CNTNAP2: variants seen among roughly 807,000 people sequenced by gnomAD.
CNTNAP2 encodes the protein contactin associated protein 2, also known as contactin-associated protein-like 2.
CNTNAP2 carries 98 observed loss-of-function variants against 155.2 expected under a neutral mutation model. The observed-to-expected ratio is 0.63, with a 90% CI of 0.54 to 0.75. CNTNAP2 has a LOEUF of 0.75. Among genes scored for constraint, CNTNAP2 ranks in the 30% least tolerant of loss-of-function variants. CNTNAP2 has a pLI of 0.00. For synonymous variants in CNTNAP2, 651 were observed against 631.2 expected, an observed-to-expected ratio of 1.03 and a Z score of -0.47; for missense variants, 1,727 against 1,688.1, an observed-to-expected ratio of 1.02 and a Z score of -0.40.
chr7:147,371,481 CAGA>C (rs1336881984), intron 9 of CNTNAP2, among the ~76,000 whole-genome samples: 3 of 152,162 alleles, frequency 2.0e-5, no homozygotes, highest in East Asian at 1.9e-4. Flanking sequence ...TTTGACTGCA[CAGA>C]AGGAGACCTT....
At chr7:146,376,466 CTT>C (rs770754742) in intron 1 of CNTNAP2, among the ~76,000 whole-genome samples, 9 of 152,078 alleles carry the variant, frequency 5.9e-5, no homozygotes, top group African/African-American at 9.7e-5. Context: ...TTAAAAAAAA[CTT>C]TACACCATAA....
chr7:146,790,925 CTT>C (rs776168917), intron 2 of CNTNAP2, among the ~76,000 whole-genome samples: 4 of 145,414 alleles, frequency 2.8e-5, no homozygotes, highest in African/African-American at 2.5e-5. Flanking sequence ...GTACCTCAGT[CTT>C]TTTTTTTTTT....
intron 9 of CNTNAP2, among the ~76,000 whole-genome samples, chr7:147,328,176 G>T (rs1434096213): frequency 1.3e-5 from 2 of 152,110 alleles, no homozygotes; most frequent in Admixed American, 6.6e-5. Flanking sequence ...TTCCCACAAA[G>T]AAAATGAGTT....
At chr7:147,785,107 G>A (rs761198948) in intron 13 of CNTNAP2, among the ~76,000 whole-genome samples, 3 of 152,222 alleles carry the variant, frequency 2.0e-5, no homozygotes, top group East Asian at 1.9e-4. Flanking sequence ...GCTTCCATCT[G>A]GAGCTCAAGA....
chr7:148,066,185 A>T (rs1395456841), intron 15 of CNTNAP2, among the ~76,000 whole-genome samples: 1 of 152,134 alleles, frequency 6.6e-6, no homozygotes, highest in Non-Finnish European at 1.5e-5. Flanking sequence ...TTTACAGGTT[A>T]CCTGATGTTT....
intron 8 of CNTNAP2, among the ~76,000 whole-genome samples, chr7:147,285,703 T>C (rs1805160457): frequency 6.6e-6 from 1 of 152,076 alleles, no homozygotes; most frequent in South Asian, 2.1e-4. Flanking sequence ...GGACAGGAAC[T>C]ATGTGCCTTT....
At chr7:146,196,881 G>C (rs920606694) in intron 1 of CNTNAP2, among the ~76,000 whole-genome samples, 9 of 152,084 alleles carry the variant, frequency 5.9e-5, no homozygotes, top group Non-Finnish European at 1.3e-4. Context: ...TAGTACTCTA[G>C]GAGGCTTCAT....
chr7:147,270,960 G>GC (rs913725030), intron 8 of CNTNAP2, among the ~76,000 whole-genome samples: 1 of 152,074 alleles, frequency 6.6e-6, no homozygotes, highest in African/African-American at 2.4e-5. Flanking sequence ...CCCCTAGGAA[G>GC]CCCCCACCAG....
At chr7:146,129,616 C>T (rs1260125) in intron 1 of CNTNAP2, among the ~76,000 whole-genome samples, 10,970 of 152,194 alleles carry the variant, frequency 0.072, 729 homozygotes, top group African/African-American at 0.18. Context: ...AAGTATCTTC[C>T]AGTTATTTTC....
rs180685735 is a variant in CNTNAP2 at position 147,896,126 on chromosome 7, C to A, written c.2099-7439C>A. Among the ~76,000 whole-genome samples, 273 of 152,324 alleles carry A rather than the reference C, an allele frequency of 1.8e-3. 1 individual carries two copies. Among genetic ancestry groups the A allele is most frequent in the Non-Finnish European group, 2.6e-3 (174 of 68,034 alleles). ...TGGGAGAAGAAGCTGGGAAACCAGGCTGCTCTTGCCAGGTCACTAACTTGC... is the reference window on the plus strand; with the variant it reads ...TGGGAGAAGAAGCTGGGAAACCAGGATGCTCTTGCCAGGTCACTAACTTGC... On this transcript the variant is annotated intron_variant, in intron 13 of 23. Coordinates refer to ENST00000361727, the MANE Select transcript of CNTNAP2 (RefSeq NM_014141.6).
At chr7:146,293,950 C>T (rs1378613523) in intron 1 of CNTNAP2, among the ~76,000 whole-genome samples, 1 of 152,018 alleles carries the variant, frequency 6.6e-6, no homozygotes, top group East Asian at 1.9e-4. Context: ...AAAATTTCCA[C>T]ATAAAAGCAA....
chr7:146,583,991 G>C (rs1012503578), intron 1 of CNTNAP2, among the ~76,000 whole-genome samples: 3 of 151,996 alleles, frequency 2.0e-5, no homozygotes, highest in Non-Finnish European at 2.9e-5. Context: ...TTGTATATTT[G>C]TCCCTGATGT....
At chr7:147,120,433 G>A (rs951204676) in intron 5 of CNTNAP2, among the ~76,000 whole-genome samples, 2 of 152,022 alleles carry the variant, frequency 1.3e-5, no homozygotes, top group Admixed American at 1.3e-4. Context: ...GAAGGCTTCT[G>A]TAAAAGCCCA....
intron 8 of CNTNAP2, among the ~76,000 whole-genome samples, chr7:147,187,582 A>G (rs1802592916): frequency 6.6e-6 from 1 of 152,120 alleles, no homozygotes; most frequent in South Asian, 2.1e-4. Context: ...ATATGGGAGC[A>G]ATAGACCCTG....
intron 16 of CNTNAP2, among the ~76,000 whole-genome samples, chr7:148,123,252 G>T (rs1393062475): frequency 7.2e-5 from 11 of 152,082 alleles, no homozygotes; most frequent in East Asian, 1.9e-4. Flanking sequence ...TGTAGAGAGA[G>T]GAAGCAAGAT....
Position 147,488,940 on chromosome 7 carries a change from A to G in CNTNAP2, c.1777+2899A>G, listed in dbSNP as rs79255696. 6.6e-5 allele frequency among the ~76,000 whole-genome samples: 10 copies of G among 152,350 alleles called. No individual in the cohort carries two copies. In the South Asian group the frequency reaches 2.1e-3, roughly 32 times the overall value. On this transcript the variant is annotated intron_variant, in intron 11 of 23. Transcript: ENST00000361727. ...AAGATGCTGAGAAAAACTTTGGCTTATGTGGTACTCAATAAATTTTTGTCA... is the reference window on the plus strand; with the variant it reads ...AAGATGCTGAGAAAAACTTTGGCTTGTGTGGTACTCAATAAATTTTTGTCA...
intron 1 of CNTNAP2, among the ~76,000 whole-genome samples, chr7:146,759,245 G>A (rs1802044479): frequency 6.6e-6 from 1 of 152,104 alleles, no homozygotes; most frequent in Non-Finnish European, 1.5e-5. Context: ...GATGCCCAGA[G>A]CATTTCTTTA....
At chr7:146,352,452 A>T (rs769416323) in intron 1 of CNTNAP2, among the ~76,000 whole-genome samples, 1 of 152,072 alleles carries the variant, frequency 6.6e-6, no homozygotes, top group Non-Finnish European at 1.5e-5. Flanking sequence ...TAAGATTTCC[A>T]TTGTTTGATA....
At chr7:147,646,367 G>C (rs542026074) in intron 13 of CNTNAP2, among the ~76,000 whole-genome samples, 1 of 152,266 alleles carries the variant, frequency 6.6e-6, no homozygotes, top group South Asian at 2.1e-4. Context: ...TATGTGATCT[G>C]TGATGGCTGA....
Sources: gnomAD v4.1 joint callset for allele counts (sites outside exome capture counted in the v4.1 genomes callset) on GRCh38, gnomAD v4.1.1 for gene constraint, MANE v1.5 for transcripts, NCBI Gene and HGNC (gene_info 2026-07-23, HGNC 2026-07-21) for gene names.